USP45: variants seen among roughly 807,000 people sequenced by gnomAD.
USP45 encodes the protein ubiquitin specific peptidase 45, also known as ubiquitin carboxyl-terminal hydrolase 45.
A neutral mutation model predicts 95.8 loss-of-function variants in USP45; 89 were observed. That is an observed-to-expected ratio of 0.93 (90% CI 0.78 to 1.11). The LOEUF (loss-of-function observed/expected upper bound fraction) is 1.11, where lower values mean the gene tolerates loss of function less well. Ranked by LOEUF, USP45 falls within the 50% of genes least tolerant of loss-of-function variation. USP45 has a pLI of 0.00. For synonymous variants in USP45, 281 were observed against 316.2 expected (o/e 0.89, Z 1.18); for missense variants, 898 against 942.5 (o/e 0.95, Z 0.62).
intron 5 of USP45, chr6:99,501,936 A>G (rs1460714383): frequency 1.5e-6 from 2 of 1,300,420 alleles, no homozygotes; most frequent in Non-Finnish European, 1.0e-6. Flanking sequence ...TTGACAGTTT[A>G]TATCAACAAA....
chr6:99,435,562 A>C lies in USP45; in HGVS notation c.*154T>G, dbSNP rs989548417. 1 of 523,976 alleles carries C rather than the reference A, an allele frequency of 1.9e-6. No individual in the cohort carries two copies. Among genetic ancestry groups the C allele is most frequent in the African/African-American group, 2.0e-5 (1 of 50,938 alleles). 32.5% of individuals were successfully genotyped at this position (523,976 alleles called of 1,614,324 possible). ...TTAAAGCATTGAGTAAATTTACTTT[A>C]AAAGGGTTCACCAAAATGGTGAAAA... On this transcript the variant is annotated 3_prime_UTR_variant, in exon 18 of 18. Transcript: ENST00000500704.
intron 5 of USP45, among the ~76,000 whole-genome samples, chr6:99,502,167 C>G (rs1411010292): frequency 6.6e-6 from 1 of 152,198 alleles, no homozygotes; most frequent in Non-Finnish European, 1.5e-5. Context: ...TACCAATACT[C>G]TTGTGTATAT....
intron 17 of USP45, among the ~76,000 whole-genome samples, chr6:99,436,103 T>TC (rs1314090861): frequency 2.0e-5 from 3 of 152,020 alleles, no homozygotes; most frequent in African/African-American, 7.3e-5. Context: ...GCTGCACCCA[T>TC]CAACCTGTCA....
intron 13 of USP45, among the ~76,000 whole-genome samples, chr6:99,449,385 A>G (rs1044805249): frequency 1.3e-5 from 2 of 152,208 alleles, no homozygotes; most frequent in Admixed American, 6.5e-5. Context: ...CTCTGATAAA[A>G]CAGGCTTTAA....
chr6:99,463,083 G>T (rs1786932013), intron 13 of USP45, among the ~76,000 whole-genome samples: 4 of 151,998 alleles, frequency 2.6e-5, no homozygotes, highest in Non-Finnish European at 5.9e-5. Flanking sequence ...TTTTGCTGAA[G>T]TATAAGTTCA....
chr6:99,464,453 T>G (rs6922192), intron 13 of USP45, 151 bp downstream of exon 13: 201,471 of 652,452 alleles, frequency 0.31, 32,968 homozygotes, highest in South Asian at 0.42. Context: ...TATATATAGT[T>G]AGTATACAAG....
At chr6:99,450,735 A>G (rs1783669286) in intron 13 of USP45, among the ~76,000 whole-genome samples, 1 of 152,224 alleles carries the variant, frequency 6.6e-6, no homozygotes, top group Non-Finnish European at 1.5e-5. Context: ...CAACAAAAAA[A>G]GAGAATTTTA....
intron 14 of USP45, among the ~76,000 whole-genome samples, chr6:99,444,356 T>C (rs897528097): frequency 2.0e-5 from 3 of 152,174 alleles, no homozygotes; most frequent in Admixed American, 1.3e-4. Context: ...TATTTGAACA[T>C]TGCCAATTGC....
chr6:99,493,315 C>T (rs1347100858), intron 5 of USP45, among the ~76,000 whole-genome samples: 1 of 151,728 alleles, frequency 6.6e-6, no homozygotes, highest in Non-Finnish European at 1.5e-5. Context: ...CATGAGCCAC[C>T]ACACTCGGCC....
At chr6:99,466,613 T>C (rs1268749914) in intron 11 of USP45, 59 bp downstream of exon 11, 7 of 1,363,020 alleles carry the variant, frequency 5.1e-6, no homozygotes, top group Non-Finnish European at 7.2e-6. Context: ...AAAGAAAATA[T>C]AATAAAAATG....
In USP45 at chr6:99,446,062, T is replaced by C. The variant is rs4504482; in HGVS notation, c.1710A>G (p.Gly570=). 491,846 of 1,613,670 alleles carry C rather than the reference T, an allele frequency of 0.3. 77,351 individuals are homozygous for C. The highest frequency in any genetic ancestry group is 0.43 in the East Asian group (19,454 of 44,870). The part of the protein sequence containing the change: ...SELRLSSTVT[G]DQDFDRENQP... ...GATTTTCTCTGTCAAAATCTTGATCTCCAGTTACAGTGCTGCTCAAACGAA... is the reference window on the plus strand; with the variant it reads ...GATTTTCTCTGTCAAAATCTTGATCCCCAGTTACAGTGCTGCTCAAACGAA... The change falls in exon 14 of 18, where the codon GGA becomes GGG. Residue 570 remains glycine, a synonymous_variant. Transcript: ENST00000500704.
chr6:99,497,702 C>T (rs1033134302), intron 5 of USP45, among the ~76,000 whole-genome samples: 1 of 152,182 alleles, frequency 6.6e-6, no homozygotes, highest in African/African-American at 2.4e-5. Flanking sequence ...CACTTCTCTG[C>T]TTAAAACTTA....
chr6:99,454,914 CCT>C (rs1784674260), intron 13 of USP45, among the ~76,000 whole-genome samples: 3 of 151,500 alleles, frequency 2.0e-5, no homozygotes, highest in African/African-American at 7.3e-5. Context: ...TGGTGAAAAC[CCT>C]GTCTCTACCA....
rs958151904 is a variant in USP45 at position 99,503,968 on chromosome 6, C to G, written c.378-103G>C. 3.9e-6 allele frequency: 3 copies of G among 766,558 alleles called. No individual in the cohort carries two copies. In the African/African-American group the frequency reaches 5.3e-5, roughly 14 times the overall value. The allele number at this position is 766,558 out of a possible 1,614,324, so 47.5% of individuals were successfully genotyped here. A position where few individuals can be genotyped will look rare whatever the true frequency, so the allele number is the denominator to read the frequency against. ...TTTAGTTACTTTTGTCTTTAAATTA[C>G]ATGGGAGGGAATACAAAGGGGAAGC... On this transcript the variant is annotated intron_variant, in intron 4 of 17. Coordinates refer to ENST00000500704, the MANE Select transcript of USP45 (RefSeq NM_001346022.3).
At chr6:99,460,559 G>A (rs1037338024) in intron 13 of USP45, among the ~76,000 whole-genome samples, 10 of 152,096 alleles carry the variant, frequency 6.6e-5, no homozygotes, top group African/African-American at 1.9e-4. Flanking sequence ...AATACCTTGA[G>A]CAATTTAGCA....
chr6:99,468,375 A>G (rs1439453271), intron 10 of USP45, among the ~76,000 whole-genome samples, 162 bp downstream of exon 10: 2 of 152,054 alleles, frequency 1.3e-5, no homozygotes, highest in East Asian at 3.9e-4. Flanking sequence ...AGCATTTTCT[A>G]TGTTCCACTA....
At chr6:99,473,907 T>C (rs573688995) in intron 9 of USP45, among the ~76,000 whole-genome samples, 24 of 151,804 alleles carry the variant, frequency 1.6e-4, no homozygotes, top group African/African-American at 5.8e-4. Flanking sequence ...GATAGGGACA[T>C]AAATCTAAAT....
chr6:99,476,281 G>A lies in USP45; in HGVS notation c.846-51C>T, dbSNP rs776058127. 3 of 1,530,344 alleles carry A rather than the reference G, an allele frequency of 2.0e-6. No homozygotes were observed. In the African/African-American group the frequency reaches 4.1e-5, roughly 21 times the overall value. 94.8% of individuals were successfully genotyped at this position (1,530,344 alleles called of 1,614,324 possible). A position where few individuals can be genotyped will look rare whatever the true frequency, so the allele number is the denominator to read the frequency against. ...AGAAAAAAAGAATAATCATTCCATGGTTCATCAACACTCTTCTCTAAATGC... is the reference window on the plus strand; with the variant it reads ...AGAAAAAAAGAATAATCATTCCATGATTCATCAACACTCTTCTCTAAATGC... On this transcript the variant is annotated intron_variant, in intron 8 of 17. Transcript: ENST00000500704.
At chr6:99,501,425 G>T (rs1035830154) in intron 5 of USP45, among the ~76,000 whole-genome samples, 3 of 152,062 alleles carry the variant, frequency 2.0e-5, no homozygotes, top group African/African-American at 7.2e-5. Flanking sequence ...CATCTACCTC[G>T]TAACTTCATC....
Sources: gnomAD v4.1 joint callset for allele counts (sites outside exome capture counted in the v4.1 genomes callset) on GRCh38, gnomAD v4.1.1 for gene constraint, MANE v1.5 for transcripts, NCBI Gene and HGNC (gene_info 2026-07-23, HGNC 2026-07-21) for gene names.